Variants in MAN1A2 observed in about 807,000 individuals in gnomAD.
MAN1A2 encodes the protein mannosyl-oligosaccharide 1,2-alpha-mannosidase IB.
A neutral mutation model predicts 75.7 loss-of-function variants in MAN1A2; 26 were observed. That is an observed-to-expected ratio of 0.34 (90% CI 0.25 to 0.48). The LOEUF is 0.48. Ranked by LOEUF, MAN1A2 falls within the 20% of genes least tolerant of loss-of-function variation. MAN1A2 has a pLI of 0.99. For synonymous variants in MAN1A2, 247 were observed against 264.6 expected, an observed-to-expected ratio of 0.93 and a Z score of 0.65; for missense variants, 562 against 775.5, an observed-to-expected ratio of 0.72 and a Z score of 3.27.
chr1:117,390,320 C>T (rs1173335496), intron 1 of MAN1A2, among the ~76,000 whole-genome samples: 1 of 149,530 alleles, frequency 6.7e-6, no homozygotes, highest in East Asian at 1.9e-4. Context: ...TAGATACAGG[C>T]TGTTAAGGTA....
At chr1:117,502,444 TGTTGTGG>T (rs1651231233) in intron 11 of MAN1A2, among the ~76,000 whole-genome samples, 1 of 151,654 alleles carries the variant, frequency 6.6e-6, no homozygotes, top group Non-Finnish European at 1.5e-5. Flanking sequence ...TTTTTTAGCA[TGTTGTGG>T]GTTATTGTTT....
intron 1 of MAN1A2, among the ~76,000 whole-genome samples, chr1:117,386,470 A>G (rs1247363841): frequency 6.6e-6 from 1 of 152,104 alleles, no homozygotes; most frequent in Non-Finnish European, 1.5e-5. Flanking sequence ...GTGGTTGTGC[A>G]CAATAAATAA....
intron 3 of MAN1A2, among the ~76,000 whole-genome samples, chr1:117,408,790 GGT>G (rs1647706835): frequency 6.6e-6 from 1 of 151,146 alleles, no homozygotes; most frequent in Non-Finnish European, 1.5e-5. Context: ...TTTTCTTGAA[GGT>G]TTTTAAACTA....
chr1:117,466,260 C>G, intron 7 of MAN1A2, 74 bp from the exon 8 acceptor site: 1 of 955,380 alleles, frequency 1.0e-6, no homozygotes, highest in Non-Finnish European at 1.6e-6. Context: ...AGAAAAAACA[C>G]AAAGCCTACA....
At chr1:117,417,690 G>GCACA (rs34249748) in intron 4 of MAN1A2, among the ~76,000 whole-genome samples, 2,430 of 142,530 alleles carry the variant, frequency 0.017, 58 homozygotes, top group African/African-American at 0.049. Context: ...AAGTAGGCGT[G>GCACA]CACACACACA....
chr1:117,469,240 A>C (rs1650067264), intron 8 of MAN1A2, among the ~76,000 whole-genome samples: 1 of 152,172 alleles, frequency 6.6e-6, no homozygotes, highest in Non-Finnish European at 1.5e-5. Flanking sequence ...TGTGTTGAGA[A>C]AACTGGATAG....
At chr1:117,405,390 T>C (rs1040239818) in intron 2 of MAN1A2, among the ~76,000 whole-genome samples, 159 bp from the exon 3 acceptor site, 1 of 152,242 alleles carries the variant, frequency 6.6e-6, no homozygotes, top group East Asian at 1.9e-4. Context: ...AACATAGTTA[T>C]GTATGTTTTC....
chr1:117,482,971 T>A (rs1187240949), intron 8 of MAN1A2, among the ~76,000 whole-genome samples: 1 of 152,156 alleles, frequency 6.6e-6, no homozygotes, highest in Non-Finnish European at 1.5e-5. Flanking sequence ...TAGCCAGTTT[T>A]CCCAGCACCA....
At chr1:117,424,997 A>T (rs1261601880) in intron 5 of MAN1A2, among the ~76,000 whole-genome samples, 1 of 152,024 alleles carries the variant, frequency 6.6e-6, no homozygotes. Context: ...TGGAGTCAGG[A>T]GATAGCCACC....
chr1:117,498,232 A>G (rs1449710593), intron 10 of MAN1A2, among the ~76,000 whole-genome samples: 1 of 151,886 alleles, frequency 6.6e-6, no homozygotes, highest in Non-Finnish European at 1.5e-5. Context: ...GCCTTAAAAT[A>G]TAGCTAAAAT....
At chr1:117,421,181 A>G (rs1358510770) in intron 5 of MAN1A2, among the ~76,000 whole-genome samples, 1 of 152,028 alleles carries the variant, frequency 6.6e-6, no homozygotes, top group Non-Finnish European at 1.5e-5. Context: ...CCCTTTTACT[A>G]TTGAAATAGG....
At chr1:117,456,007 A>T (rs1227084121) in intron 6 of MAN1A2, among the ~76,000 whole-genome samples, 2 of 152,102 alleles carry the variant, frequency 1.3e-5, no homozygotes. Context: ...GAAGAAAGCC[A>T]TTCTTACATT....
intron 12 of MAN1A2, among the ~76,000 whole-genome samples, chr1:117,507,201 A>G (rs1310604954): frequency 6.6e-6 from 1 of 151,570 alleles, no homozygotes; most frequent in African/African-American, 2.4e-5. Context: ...AAGGCACAGC[A>G]CCTTGGAATT....
intron 1 of MAN1A2, 86 bp downstream of exon 1, chr1:117,368,571 C>G: frequency 8.1e-7 from 1 of 1,239,900 alleles, no homozygotes; most frequent in Non-Finnish European, 1.1e-6. Flanking sequence ...TTTTTTCTTG[C>G]AGTAAAATGT....
chr1:117,465,639 A>C (rs958356617), intron 7 of MAN1A2, among the ~76,000 whole-genome samples: 1 of 152,194 alleles, frequency 6.6e-6, no homozygotes, highest in African/African-American at 2.4e-5. Flanking sequence ...CAAACAAATA[A>C]GAGTACAAGG....
chr1:117,514,965 T>C (rs1160432993), intron 12 of MAN1A2: 9 of 511,700 alleles, frequency 1.8e-5, no homozygotes, highest in Non-Finnish European at 3.6e-5. Context: ...GTCAAATCAA[T>C]ATGTACTTAT....
At chr1:117,514,483 GT>G (rs1557980693) in intron 12 of MAN1A2, among the ~76,000 whole-genome samples, 1 of 152,038 alleles carries the variant, frequency 6.6e-6, no homozygotes, top group East Asian at 1.9e-4. Context: ...TCCTCTCATA[GT>G]TTTAATTCTC....
chr1:117,434,619 A>T (rs1452946368), intron 5 of MAN1A2, among the ~76,000 whole-genome samples: 2 of 152,222 alleles, frequency 1.3e-5, no homozygotes. Flanking sequence ...GTGACTGAAT[A>T]AATTGATATA....
chr1:117,431,806 C>T (rs1243008088), intron 5 of MAN1A2, among the ~76,000 whole-genome samples: 2 of 151,992 alleles, frequency 1.3e-5, no homozygotes, highest in African/African-American at 2.4e-5. Flanking sequence ...AAAAATTAGC[C>T]GAGTGTGGTA....
Sources: gnomAD v4.1 joint callset for allele counts (sites outside exome capture counted in the v4.1 genomes callset) on GRCh38, gnomAD v4.1.1 for gene constraint, MANE v1.5 for transcripts, NCBI Gene and HGNC (gene_info 2026-07-23, HGNC 2026-07-21) for gene names.